FMO5: variants seen among roughly 807,000 people sequenced by gnomAD.
The protein encoded by FMO5 is flavin-containing monooxygenase 5.
FMO5 carries 51 observed loss-of-function variants against 43.6 expected under a neutral mutation model. That is an observed-to-expected ratio of 1.17 (90% CI 0.93 to 1.48). The LOEUF (loss-of-function observed/expected upper bound fraction) is 1.48. Ranked by LOEUF, FMO5 falls within the 40% of genes most tolerant of loss-of-function variation. The pLI, the probability that FMO5 is intolerant of heterozygous loss-of-function variation, is 0.00. For missense variants in FMO5, 644 were observed against 643.0 expected (o/e 1.00, Z -0.02); for synonymous variants, 187 against 216.5 (o/e 0.86, Z 1.20).
At chr1:147,191,403 G>A (rs1656771451) in intron 7 of FMO5, among the ~76,000 whole-genome samples, 1 of 152,122 alleles carries the variant, frequency 6.6e-6, no homozygotes, top group Non-Finnish European at 1.5e-5. Flanking sequence ...GTATCCCATT[G>A]TGGTTTTGAT....
chr1:147,212,415 T>C lies in FMO5; in HGVS notation c.608A>G (p.Glu203Gly). 6.2e-7 allele frequency: 1 copy of C among 1,614,076 alleles called. No individual in the cohort carries two copies. The highest frequency in any genetic ancestry group is 8.5e-7 in the Non-Finnish European group (1 of 1,179,940). Residue 203 changes from glutamate to glycine, a missense_variant, in exon 5 of 9, where the codon GAG (glutamate) becomes GGG (glycine). Physicochemically the swap from Glu to Gly is moderately conservative, Grantham distance 98 (BLOSUM62 -2). Transcript: ENST00000254090. ...IGNSGGDLAV[E>G]ISQTAKQVFL... Reference sequence around the variant, plus strand: ...AACCTGCTTGGCTGTTTGGCTAATCTCTACAGCCAGATCCCCTCCAGAATT... The same window carrying C: ...AACCTGCTTGGCTGTTTGGCTAATCCCTACAGCCAGATCCCCTCCAGAATT...
chr1:147,213,669 CA>C (rs1661455427), intron 3 of FMO5, among the ~76,000 whole-genome samples, 199 bp from the exon 4 acceptor site: 1 of 152,132 alleles, frequency 6.6e-6, no homozygotes, highest in Non-Finnish European at 1.5e-5. Flanking sequence ...AAAAAAATAA[CA>C]TAGTGTTGGC....
chr1:147,226,859 G>T (rs1163023836), upstream of FMO5, among the ~76,000 whole-genome samples: 2 of 149,948 alleles, frequency 1.3e-5, no homozygotes, highest in African/African-American at 2.5e-5. Flanking sequence ...TTGAAACAGG[G>T]TCTCACTCTG....
Position 147,186,880 on chromosome 1 carries a change from G to A in FMO5, c.*20C>T, listed in dbSNP as rs1553917155. 2 of 1,594,704 alleles carry A rather than the reference G, an allele frequency of 1.3e-6. No homozygotes were observed. Among genetic ancestry groups the A allele is most frequent in the Admixed American group, 1.7e-5 (1 of 58,710 alleles). The stretch of plus-strand genomic sequence containing the variant: ...TAGATAAGCTTCCCAATGAAAAACA[G>A]GGCAGTGACAATAGGACAACTAGAA... On this transcript the variant is annotated 3_prime_UTR_variant, in exon 9 of 9. Coordinates refer to ENST00000254090, the MANE Select transcript of FMO5 (RefSeq NM_001461.4).
intron 7 of FMO5, among the ~76,000 whole-genome samples, chr1:147,195,203 G>A (rs958551991): frequency 4.6e-5 from 7 of 152,140 alleles, no homozygotes; most frequent in Non-Finnish European, 7.4e-5. Flanking sequence ...TGCTTTGTTC[G>A]TTTCTTTTTA....
intron 7 of FMO5, among the ~76,000 whole-genome samples, chr1:147,197,705 G>A (rs1658249244): frequency 6.6e-6 from 1 of 152,142 alleles, no homozygotes; most frequent in Admixed American, 6.5e-5. Flanking sequence ...GCAGAACTGT[G>A]AGTGAATTAA....
chr1:147,224,029 C>T, intron 2 of FMO5: 3 of 417,792 alleles, frequency 7.2e-6, no homozygotes, highest in Admixed American at 2.6e-5. Context: ...TGATTGCACA[C>T]GATGCGGATC....
At chr1:147,198,872 A>AAAAAG (rs1553920319) in intron 7 of FMO5, among the ~76,000 whole-genome samples, 2,051 of 144,240 alleles carry the variant, frequency 0.014, 23 homozygotes, top group South Asian at 0.039. Context: ...AAAAAAAAAA[A>AAAAAG]AAAGAAAGAA....
rs1055817058 is a variant in FMO5 at position 147,209,071 on chromosome 1, G to A, written c.631-20C>T. The A allele has an allele frequency of 2.5e-6, 4 of 1,603,472 alleles. No individual in the cohort carries two copies. Among genetic ancestry groups the A allele is most frequent in the Non-Finnish European group, 8.5e-7 (1 of 1,172,194 alleles). On this transcript the variant is annotated intron_variant, in intron 5 of 8. Coordinates refer to ENST00000254090, the MANE Select transcript of FMO5 (RefSeq NM_001461.4). ...GAAAACCTGGGGCATGGAAGAAATT[G>A]TTTGCTTTTGTCACTCAGATTCGTA...
chr1:147,206,002 T>G (rs1254121998), intron 6 of FMO5, among the ~76,000 whole-genome samples: 3 of 151,718 alleles, frequency 2.0e-5, no homozygotes, highest in Non-Finnish European at 4.4e-5. Context: ...GGAGAAAATT[T>G]TTGCAATCTA....
chr1:147,193,128 C>G (rs1657227077), intron 7 of FMO5, among the ~76,000 whole-genome samples: 1 of 152,114 alleles, frequency 6.6e-6, no homozygotes, highest in African/African-American at 2.4e-5. Flanking sequence ...GGCTGTGAAT[C>G]CATCTGGTCC....
chr1:147,217,261 G>GA (rs1227387241), intron 2 of FMO5, among the ~76,000 whole-genome samples: 53 of 150,582 alleles, frequency 3.5e-4, no homozygotes, highest in Non-Finnish European at 5.8e-4. Context: ...AAAAGAAAAA[G>GA]AAAAAAAAAC....
At chr1:147,214,049 T>C (rs1661519676) in intron 3 of FMO5, among the ~76,000 whole-genome samples, 1 of 152,228 alleles carries the variant, frequency 6.6e-6, no homozygotes. Context: ...GATAGTGTTA[T>C]GATTTTTAGC....
At chr1:147,217,898 G>A (rs55934904) in intron 2 of FMO5, among the ~76,000 whole-genome samples, 2,941 of 152,170 alleles carry the variant, frequency 0.019, 80 homozygotes, top group African/African-American at 0.067. Context: ...CCCTTGAATT[G>A]TACTCATGGT....
Position 147,201,283 on chromosome 1 carries a change from G to T in FMO5, c.1052C>A (p.Ser351Tyr). ...DSVKVVKNKI[S>Y]LYKKVFPPNL... ...AGGAGGGAAGACCTTTTTATACAGG[G>T]ATATCTTGTTTTTGACCACTTTGAC... Residue 351 changes from serine (S) to tyrosine (Y), a missense_variant, in exon 7 of 9, where the codon TCC becomes TAC. Coordinates refer to ENST00000254090, the MANE Select transcript of FMO5 (RefSeq NM_001461.4). 1 of 1,614,118 alleles carries T rather than the reference G, an allele frequency of 6.2e-7. No individual in the cohort carries two copies. The highest frequency in any genetic ancestry group is 8.5e-7 in the Non-Finnish European group (1 of 1,180,000).
Position 147,224,879 on chromosome 1 carries a change from T to C in FMO5, c.135+16A>G, listed in dbSNP as rs1663750555. ...GGGAGGGTTTCAAGTATTAAGGGAC[T>C]AGGAGATGTATGTACCTGGAACCTC... On this transcript the variant is annotated intron_variant, in intron 2 of 8. Transcript: ENST00000254090. 6.2e-7 allele frequency: 1 copy of C among 1,612,570 alleles called. No homozygotes were observed. The highest frequency in any genetic ancestry group is 8.5e-7 in the Non-Finnish European group (1 of 1,178,640).
At chr1:147,206,494 C>T (rs1660072533) in intron 6 of FMO5, among the ~76,000 whole-genome samples, 1 of 152,154 alleles carries the variant, frequency 6.6e-6, no homozygotes, top group African/African-American at 2.4e-5. Context: ...TTCACAATAG[C>T]AAGGACTTGG....
rs202145159 is a variant in FMO5 at position 147,201,355 on chromosome 1, A to G, written c.980T>C (p.Ile327Thr). ...GSREDDIDAV[I>T]FATGYSFDFP... ...GTCAAAGCTATAGCCTGTGGCAAAGATAACAGCATCAATGTCATCCTCCCT... is the reference window on the plus strand; with the variant it reads ...GTCAAAGCTATAGCCTGTGGCAAAGGTAACAGCATCAATGTCATCCTCCCT... Residue 327 changes from isoleucine (I) to threonine (T), a missense_variant, in exon 7 of 9, where the codon ATC (isoleucine) becomes ACC (threonine). Physicochemically the swap from Ile to Thr is moderately conservative, Grantham distance 89 (BLOSUM62 -1). Coordinates refer to ENST00000254090, the MANE Select transcript of FMO5 (RefSeq NM_001461.4). 54 of 1,614,102 alleles carry G rather than the reference A, an allele frequency of 3.3e-5. No individual in the cohort carries two copies. Among genetic ancestry groups the G allele is most frequent in the Non-Finnish European group, 4.3e-5 (51 of 1,180,036 alleles).
intron 7 of FMO5, among the ~76,000 whole-genome samples, chr1:147,191,313 G>A (rs1415591278): frequency 6.6e-6 from 1 of 152,070 alleles, no homozygotes; most frequent in Non-Finnish European, 1.5e-5. Flanking sequence ...GTGTAAAAGT[G>A]TTCCTATTTC....
Sources: allele counts gnomAD v4.1 joint callset (sites outside exome capture counted in the v4.1 genomes callset), GRCh38; gene constraint gnomAD v4.1.1; transcripts MANE v1.5; gene names NCBI Gene and HGNC (gene_info 2026-07-23, HGNC 2026-07-21).